Variants in EPB41L4B observed in about 807,000 individuals in gnomAD.
EPB41L4B encodes band 4.1-like protein 4B.
In EPB41L4B, 30 loss-of-function variants were observed where a neutral mutation model predicts 112.5. The ratio of observed to expected loss-of-function variants is 0.27; its 90% CI spans 0.20 to 0.36. The LOEUF (loss-of-function observed/expected upper bound fraction) is 0.36, where lower values mean the gene tolerates loss of function less well. Among genes scored for constraint, EPB41L4B ranks in the 10% least tolerant of loss-of-function variants. The pLI, the probability that EPB41L4B is intolerant of heterozygous loss-of-function variation, is 1.00. For synonymous variants in EPB41L4B, 408 were observed against 439.7 expected (o/e 0.93, Z 0.90); for missense variants, 1,024 against 1,133.3 (o/e 0.90, Z 1.38).
At chr9:109,179,283 C>G (rs900073306) in intron 24 of EPB41L4B, among the ~76,000 whole-genome samples, 36 of 152,242 alleles carry the variant, frequency 2.4e-4, no homozygotes, top group Admixed American at 1.3e-4. Flanking sequence ...GACTGCCAGA[C>G]CAACTTTGTG....
At position 109,281,735 on chromosome 9, in the gene EPB41L4B, A is replaced by T. The variant is rs866906022; in HGVS notation, c.307-1814T>A. Among the ~76,000 whole-genome samples, 222 of 135,316 alleles carry T rather than the reference A, an allele frequency of 1.6e-3. 2 individuals carry two copies. Among genetic ancestry groups the T allele is most frequent in the African/African-American group, 5.3e-3 (196 of 37,028 alleles). 88.8% of individuals were successfully genotyped at this position (135,316 alleles called of 152,430 possible). A position where few individuals can be genotyped will look rare whatever the true frequency, so the allele number is the denominator to read the frequency against. ...AAATAAATAAATAAATTAATTAATT[A>T]ATTTTAAAAAAGATCATAACAAATG... On this transcript the variant is annotated intron_variant, in intron 1 of 25. Coordinates refer to ENST00000374566, the MANE Select transcript of EPB41L4B (RefSeq NM_019114.5).
intron 6 of EPB41L4B, among the ~76,000 whole-genome samples, chr9:109,261,581 T>C (rs1835205054): frequency 6.6e-6 from 1 of 152,038 alleles, no homozygotes; most frequent in Non-Finnish European, 1.5e-5. Flanking sequence ...TCTCTATGAG[T>C]GTACACATGA....
At chr9:109,201,278 C>T (rs948358167) in intron 19 of EPB41L4B, among the ~76,000 whole-genome samples, 5 of 151,768 alleles carry the variant, frequency 3.3e-5, no homozygotes, top group South Asian at 2.1e-4. Flanking sequence ...TGATAATACC[C>T]GTTTCTACAA....
At chr9:109,213,906 C>A in intron 16 of EPB41L4B, 88 bp from the exon 17 acceptor site, 1 of 1,176,006 alleles carries the variant, frequency 8.5e-7, no homozygotes, top group South Asian at 1.3e-5. Context: ...GCGCCCGATT[C>A]CCAGCACCCT....
rs752896909 is a variant in EPB41L4B at position 109,268,420 on chromosome 9, T to G, written c.425A>C (p.His142Pro). The G allele has an allele frequency of 6.2e-7, 1 of 1,609,996 alleles. No individual in the cohort carries two copies. The highest frequency in any genetic ancestry group is 1.1e-5 in the South Asian group (1 of 89,462). The change falls in exon 3 of 26, where the codon CAT becomes CCT. Residue 142 changes from histidine (H) to proline (P), a missense_variant. By Grantham distance (77) the His-to-Pro change is moderately conservative. Transcript: ENST00000374566. ...CATCTGCTTTTTTATGGGTTTGGCA[T>G]GATCCAGCCAGTGCTGAAAGAAAGA... ...DSAQVAHWLD[H>P]AKPIKKQMKI...
chr9:109,280,608 C>T (rs564823048), intron 1 of EPB41L4B, among the ~76,000 whole-genome samples: 129 of 152,260 alleles, frequency 8.5e-4, no homozygotes, highest in African/African-American at 3.0e-3. Context: ...AGGATACCTA[C>T]TCTCCCCACC....
chr9:109,276,708 C>T (rs897636137), intron 2 of EPB41L4B, among the ~76,000 whole-genome samples: 4 of 152,198 alleles, frequency 2.6e-5, no homozygotes, highest in African/African-American at 9.6e-5. Flanking sequence ...GAAAGCCTGC[C>T]AGCCAAGTCA....
chr9:109,267,206 G>C (rs76452576), intron 4 of EPB41L4B, among the ~76,000 whole-genome samples: 3,130 of 152,252 alleles, frequency 0.021, 99 homozygotes, highest in African/African-American at 0.062. Flanking sequence ...ACGCCGCAGA[G>C]CAACCAATTA....
chr9:109,216,955 T>G lies in EPB41L4B; in HGVS notation c.1600A>C (p.Arg534=), dbSNP rs771505123. Residue 534 remains arginine, a synonymous_variant, in exon 16 of 26, where the codon AGG becomes CGG. Coordinates refer to ENST00000374566, the MANE Select transcript of EPB41L4B (RefSeq NM_019114.5). The part of the protein sequence containing the change: ...LTLENKEGPL[R]SPNSSSKSLT... ...GACTTGCTGCTGGAGTTTGGGGACC[T>G]CAGAGGCCCCTCTTTGTTCTCCAGG... 1.2e-6 allele frequency: 2 copies of G among 1,614,146 alleles called. No individual in the cohort carries two copies. Among genetic ancestry groups the G allele is most frequent in the Non-Finnish European group, 1.7e-6 (2 of 1,180,002 alleles).
chr9:109,212,138 C>A (rs1833204613), intron 17 of EPB41L4B, among the ~76,000 whole-genome samples: 1 of 152,180 alleles, frequency 6.6e-6, no homozygotes, highest in South Asian at 2.1e-4. Flanking sequence ...GTTGTCAACG[C>A]TCCACCAATA....
chr9:109,198,518 C>G (rs1456142396), intron 20 of EPB41L4B, among the ~76,000 whole-genome samples: 1 of 152,194 alleles, frequency 6.6e-6, no homozygotes, highest in African/African-American at 2.4e-5. Flanking sequence ...TCCAAAGCCC[C>G]CATCCTTTTC....
intron 1 of EPB41L4B, among the ~76,000 whole-genome samples, chr9:109,310,086 C>A (rs976448409): frequency 1.3e-5 from 2 of 151,986 alleles, no homozygotes; most frequent in African/African-American, 4.8e-5. Context: ...TGTTTTTTTT[C>A]CCTAATAGTT....
intron 2 of EPB41L4B, among the ~76,000 whole-genome samples, chr9:109,277,090 A>G (rs1400114209): frequency 2.0e-5 from 3 of 152,188 alleles, no homozygotes; most frequent in Non-Finnish European, 2.9e-5. Context: ...CTTCTAGTTC[A>G]GGGCCACAGA....
intron 6 of EPB41L4B, among the ~76,000 whole-genome samples, chr9:109,260,705 G>A (rs1406389279): frequency 1.3e-5 from 2 of 152,154 alleles, no homozygotes; most frequent in African/African-American, 2.4e-5. Flanking sequence ...GTGAGCCATC[G>A]CGCCCGGCCA....
At chr9:109,241,293 C>T (rs1013283929) in intron 15 of EPB41L4B, 21 of 1,002,370 alleles carry the variant, frequency 2.1e-5, no homozygotes, top group Middle Eastern at 5.0e-4. Flanking sequence ...TCAACTTCTA[C>T]GACAGGAATA....
intron 1 of EPB41L4B, 61 bp downstream of exon 1, chr9:109,320,080 G>T (rs1169542790): frequency 5.3e-6 from 7 of 1,311,456 alleles, no homozygotes; most frequent in Non-Finnish European, 6.9e-6. Flanking sequence ...AGCACTGGGG[G>T]AGGGGGAGCT....
intron 2 of EPB41L4B, among the ~76,000 whole-genome samples, chr9:109,275,919 C>T (rs1268427211): frequency 6.6e-6 from 1 of 151,960 alleles, no homozygotes; most frequent in Admixed American, 6.6e-5. Flanking sequence ...AAATGCCTCT[C>T]CCTCAGGTTC....
At chr9:109,312,905 C>A (rs1234906641) in intron 1 of EPB41L4B, among the ~76,000 whole-genome samples, 1 of 152,110 alleles carries the variant, frequency 6.6e-6, no homozygotes, top group East Asian at 1.9e-4. Flanking sequence ...TGAACTCCTA[C>A]ACATCCTTTG....
chr9:109,251,901 G>A (rs1019351414), intron 12 of EPB41L4B, among the ~76,000 whole-genome samples: 2 of 152,240 alleles, frequency 1.3e-5, no homozygotes, highest in African/African-American at 4.8e-5. Context: ...CCTCGGGGAC[G>A]CCGTGAGGGC....
Sources: allele counts gnomAD v4.1 joint callset (sites outside exome capture counted in the v4.1 genomes callset), GRCh38; gene constraint gnomAD v4.1.1; transcripts MANE v1.5; gene names NCBI Gene and HGNC (gene_info 2026-07-23, HGNC 2026-07-21).